Variants in DDX6 observed in about 807,000 individuals in gnomAD.
The protein encoded by DDX6 is DEAD-box helicase 6.
DDX6 carries 7 observed loss-of-function variants against 60.6 expected under a neutral mutation model. That is an observed-to-expected ratio of 0.12 (90% confidence interval 0.07 to 0.22). The LOEUF is 0.22. DDX6 is among the 10% of genes least tolerant of loss of function. The pLI is 1.00. For missense variants in DDX6, 270 were observed against 589.9 expected, an observed-to-expected ratio of 0.46 and a Z score of 5.62; for synonymous variants, 207 against 201.0, an observed-to-expected ratio of 1.03 and a Z score of -0.25.
intron 4 of DDX6, among the ~76,000 whole-genome samples, chr11:118,778,655 G>A (rs1008000897): frequency 2.6e-5 from 4 of 152,102 alleles, no homozygotes; most frequent in Admixed American, 2.0e-4. Flanking sequence ...TCGTCTCAAG[G>A]GAGAGGGGAA....
chr11:118,751,067 G>GTATATATATATA lies in DDX6; in HGVS notation c.*1026_*1037dup, dbSNP rs36063767. ...CATCCAAAAAAAAATATATATATAT[G>GTATATATATATA]TATATATATATATATATATGAACCC... On this transcript the variant is annotated 3_prime_UTR_variant, in exon 14 of 14. Transcript: ENST00000534980. The GTATATATATATA allele has an allele frequency of 1.4e-5, 2 of 140,198 alleles. No homozygotes were observed. The highest frequency in any genetic ancestry group is 3.1e-5 in the Non-Finnish European group (2 of 65,202). 8.7% of individuals were successfully genotyped at this position (140,198 alleles called of 1,614,324 possible). A position where few individuals can be genotyped will look rare whatever the true frequency, so the allele number is the denominator to read the frequency against.
At chr11:118,752,618 G>GA (rs1860814538) in intron 13 of DDX6, among the ~76,000 whole-genome samples, 1 of 151,798 alleles carries the variant, frequency 6.6e-6, no homozygotes, top group South Asian at 2.1e-4. Context: ...ATTTAAAAAA[G>GA]AAAGAGAAAA....
At position 118,749,830 on chromosome 11, in the gene DDX6, C is replaced by T. The variant is rs1025119570; in HGVS notation, c.*2275G>A. The T allele has an allele frequency of 2.6e-5, 4 of 152,506 alleles. No homozygotes were observed. The highest frequency in any genetic ancestry group is 5.9e-5 in the Non-Finnish European group (4 of 68,006). The allele number at this position is 152,506 out of a possible 1,614,324, so 9.4% of individuals were successfully genotyped here. On this transcript the variant is annotated 3_prime_UTR_variant, in exon 14 of 14. Transcript: ENST00000534980. ...CCCCTCCCTGGAAAAAAGTTACTTC[C>T]TTAATTAGGTTTTCTATTTAGTAAC...
chr11:118,773,470 G>A (rs1861602028), intron 4 of DDX6, among the ~76,000 whole-genome samples: 1 of 152,162 alleles, frequency 6.6e-6, no homozygotes, highest in African/African-American at 2.4e-5. Flanking sequence ...CACTTGGGAG[G>A]CTGAGGTAGG....
At position 118,755,506 on chromosome 11, in the gene DDX6, T is replaced by TAAA; in HGVS notation, c.1175-6_1175-4dup. 4 of 1,239,628 alleles carry TAAA rather than the reference T, an allele frequency of 3.2e-6. No individual in the cohort carries two copies. Among genetic ancestry groups the TAAA allele is most frequent in the Non-Finnish European group, 2.2e-6 (2 of 902,162 alleles). The allele number at this position is 1,239,628 out of a possible 1,614,324, so 76.8% of individuals were successfully genotyped here. ...ATCAATACCTCGGGTAAACAGATCT[T>TAAA]AAAAAAAAAAAGATAATTTTCATTT... On this transcript the variant is annotated splice_region_variant and splice_polypyrimidine_tract_variant and intron_variant, in intron 11 of 13. Transcript: ENST00000534980.
intron 4 of DDX6, among the ~76,000 whole-genome samples, chr11:118,771,057 G>C (rs1314038653): frequency 1.3e-5 from 2 of 152,112 alleles, no homozygotes; most frequent in African/African-American, 4.8e-5. Context: ...ATTATTTCCA[G>C]TTGTTCCAGA....
At chr11:118,753,115 G>A (rs1555157832) in intron 13 of DDX6, among the ~76,000 whole-genome samples, 1 of 152,050 alleles carries the variant, frequency 6.6e-6, no homozygotes. Context: ...TGCAACCTCT[G>A]CCTCCCAGGT....
At chr11:118,780,834 C>G (rs1200839623) in intron 3 of DDX6, among the ~76,000 whole-genome samples, 2 of 152,186 alleles carry the variant, frequency 1.3e-5, no homozygotes, top group Admixed American at 6.5e-5. Context: ...TAGCTTCCCC[C>G]CTATTGATGA....
chr11:118,757,397 C>T, intron 9 of DDX6, 110 bp from the exon 10 acceptor site: 2 of 541,914 alleles, frequency 3.7e-6, no homozygotes, highest in Non-Finnish European at 6.5e-6. Flanking sequence ...TGGTCTAAAA[C>T]TTAGAATCTC....
chr11:118,776,831 CAAA>C (rs200480268), intron 4 of DDX6, among the ~76,000 whole-genome samples: 7 of 94,482 alleles, frequency 7.4e-5, no homozygotes, highest in African/African-American at 8.2e-5. Context: ...GGCTCTGTCT[CAAA>C]AAAAAAAAAA....
intron 4 of DDX6, 109 bp downstream of exon 4, chr11:118,779,523 T>C (rs932390998): frequency 3.0e-6 from 2 of 669,272 alleles, no homozygotes; most frequent in Non-Finnish European, 5.1e-6. Context: ...AAAGTGTGTA[T>C]ACGTGAGAGA....
intron 12 of DDX6, among the ~76,000 whole-genome samples, 156 bp downstream of exon 12, chr11:118,755,246 A>C (rs1410498157): frequency 7.2e-5 from 11 of 152,240 alleles, no homozygotes; most frequent in African/African-American, 2.7e-4. Context: ...ATGCTACAGA[A>C]GAATTAGAAA....
At chr11:118,784,391 TACC>T (rs1862005266) in intron 2 of DDX6, among the ~76,000 whole-genome samples, 2 of 151,954 alleles carry the variant, frequency 1.3e-5, no homozygotes, top group Admixed American at 6.6e-5. Flanking sequence ...ATAAAACATA[TACC>T]TCAGTTCAGT....
Position 118,755,494 on chromosome 11 carries a change from G to T in DDX6, c.1184C>A (p.Thr395Asn). The T allele has an allele frequency of 6.3e-7, 1 of 1,577,054 alleles. No individual in the cohort carries two copies. The highest frequency in any genetic ancestry group is 8.7e-7 in the Non-Finnish European group (1 of 1,149,750). ...CACAGCTTGTATATCAATACCTCGG[G>T]TAAACAGATCTTAAAAAAAAAAAGA... Reference protein sequence around the residue: ...CRNLVCTDLFTRGIDIQAVNV... With the variant: ...CRNLVCTDLFNRGIDIQAVNV... Residue 395 changes from threonine (T) to asparagine (N), a missense_variant, in exon 12 of 14, where the codon ACC becomes AAC. Thr to Asn is a moderately conservative substitution (Grantham distance 65). This residue lies in a region of DDX6 where 69 missense variants were observed against 208.2 expected (regional missense o/e 0.33). Coordinates refer to ENST00000534980, the MANE Select transcript of DDX6 (RefSeq NM_004397.6).
chr11:118,758,928 A>AGTC, intron 8 of DDX6, 26 bp from the exon 9 acceptor site: 2 of 1,612,430 alleles, frequency 1.2e-6, no homozygotes. Context: ...GAAAAAGATG[A>AGTC]GTCGTCGTCT....
chr11:118,780,508 G>C (rs980134509), intron 3 of DDX6, among the ~76,000 whole-genome samples: 49 of 152,224 alleles, frequency 3.2e-4, no homozygotes, highest in Non-Finnish European at 1.0e-4. Context: ...GTAGAGACAG[G>C]GTTTCAACAT....
At chr11:118,776,831 CAAAA>C (rs200480268) in intron 4 of DDX6, among the ~76,000 whole-genome samples, 4 of 94,502 alleles carry the variant, frequency 4.2e-5, no homozygotes, top group Admixed American at 1.2e-4. Flanking sequence ...GGCTCTGTCT[CAAAA>C]AAAAAAAAAA....
intron 4 of DDX6, among the ~76,000 whole-genome samples, chr11:118,769,341 C>T (rs1861458816): frequency 6.6e-6 from 1 of 152,150 alleles, no homozygotes. Context: ...CCACAGCCTA[C>T]TTCTCTGTTC....
At chr11:118,758,174 G>A (rs369181116) in intron 9 of DDX6, among the ~76,000 whole-genome samples, 3 of 152,166 alleles carry the variant, frequency 2.0e-5, no homozygotes, top group South Asian at 4.2e-4. Context: ...TATTAATTCC[G>A]GAGTTACAAA....
Sources: gnomAD v4.1 joint callset for allele counts (sites outside exome capture counted in the v4.1 genomes callset) on GRCh38, gnomAD v4.1.1 for gene constraint, gnomAD v4.1.1 regional missense constraint, MANE v1.5 for transcripts, NCBI Gene and HGNC (gene_info 2026-07-23, HGNC 2026-07-21) for gene names.